ADAM10: variants seen among roughly 807,000 people sequenced by gnomAD.
ADAM10 encodes the protein ADAM metallopeptidase domain 10, also known as disintegrin and metalloproteinase domain-containing protein 10.
ADAM10 carries 17 observed loss-of-function variants against 90.1 expected under a neutral mutation model. The observed-to-expected ratio is 0.19, with a 90% CI of 0.13 to 0.28. The LOEUF (loss-of-function observed/expected upper bound fraction) is 0.28, where lower values mean the gene tolerates loss of function less well. Ranked by LOEUF, ADAM10 falls within the 10% of genes least tolerant of loss-of-function variation. The pLI is 1.00. For synonymous variants in ADAM10, 310 were observed against 298.6 expected (o/e 1.04, Z -0.40); for missense variants, 610 against 914.3 (o/e 0.67, Z 4.29).
chr15:58,724,789 C>T (rs774358278), intron 1 of ADAM10, among the ~76,000 whole-genome samples: 76 of 152,216 alleles, frequency 5.0e-4, no homozygotes, highest in Non-Finnish European at 1.8e-4. Context: ...AAAGCTCACA[C>T]AGGGCTGGAA....
chr15:58,657,286 T>C (rs1361035710), intron 5 of ADAM10, among the ~76,000 whole-genome samples: 2 of 152,214 alleles, frequency 1.3e-5, no homozygotes, highest in Non-Finnish European at 2.9e-5. Context: ...TTTTTACCCC[T>C]ATCTCTTTCT....
At position 58,665,118 on chromosome 15, in the gene ADAM10, A is replaced by C; in HGVS notation, c.564T>G (p.Thr188=). The change falls in exon 5 of 16, where the codon ACT becomes ACG. Residue 188 remains threonine (T), a synonymous_variant. Transcript: ENST00000260408. The part of the protein sequence containing the change: ...VFERMRKYQM[T]GVEEVTQIPQ... ...TTACCTGTGTTACTTCCTCTACACC[A>C]GTCATCTGGTATTTCCTCATTCTTT... The C allele has an allele frequency of 6.2e-7, 1 of 1,612,760 alleles. No individual in the cohort carries two copies. The highest frequency in any genetic ancestry group is 8.5e-7 in the Non-Finnish European group (1 of 1,178,850).
intron 15 of ADAM10, among the ~76,000 whole-genome samples, chr15:58,599,359 A>C (rs1308991481): frequency 6.6e-6 from 1 of 152,062 alleles, no homozygotes; most frequent in African/African-American, 2.4e-5. Flanking sequence ...AGCAAAATTT[A>C]AAATTTCTAG....
At chr15:58,726,916 G>A (rs1899051161) in intron 1 of ADAM10, among the ~76,000 whole-genome samples, 1 of 151,036 alleles carries the variant, frequency 6.6e-6, no homozygotes, top group Non-Finnish European at 1.5e-5. Context: ...GGAGGGGAGA[G>A]GGAAAAGGAG....
intron 5 of ADAM10, among the ~76,000 whole-genome samples, chr15:58,654,706 T>C (rs1896767826): frequency 6.6e-6 from 1 of 152,232 alleles, no homozygotes; most frequent in Admixed American, 6.5e-5. Context: ...TTATCGTTTG[T>C]TTCAAGAAAT....
intron 9 of ADAM10, among the ~76,000 whole-genome samples, chr15:58,631,839 G>T (rs1458550582): frequency 2.6e-5 from 4 of 152,138 alleles, no homozygotes; most frequent in African/African-American, 9.7e-5. Flanking sequence ...AAGCAGTCAA[G>T]AGTTACAGAG....
intron 9 of ADAM10, among the ~76,000 whole-genome samples, chr15:58,631,438 G>A (rs1310874931): frequency 6.6e-6 from 1 of 152,144 alleles, no homozygotes; most frequent in Non-Finnish European, 1.5e-5. Flanking sequence ...AGCTAGGTAG[G>A]AAAGAGATTA....
chr15:58,632,321 T>A (rs1368275073), intron 9 of ADAM10, among the ~76,000 whole-genome samples: 1 of 152,234 alleles, frequency 6.6e-6, no homozygotes, highest in Non-Finnish European at 1.5e-5. Context: ...TTCAGGAATG[T>A]GTACTGAAAT....
At chr15:58,642,568 C>T (rs1490470336) in intron 7 of ADAM10, among the ~76,000 whole-genome samples, 1 of 151,968 alleles carries the variant, frequency 6.6e-6, no homozygotes, top group African/African-American at 2.4e-5. Flanking sequence ...GAACAATCTT[C>T]AACAGATAAA....
chr15:58,622,127 G>A (rs1427282), intron 10 of ADAM10, among the ~76,000 whole-genome samples: 77,963 of 151,902 alleles, frequency 0.51, 22,785 homozygotes, highest in East Asian at 0.94. Flanking sequence ...TACTCCCACA[G>A]TTTTTTTCTG....
chr15:58,726,889 G>A (rs868192596), intron 1 of ADAM10, among the ~76,000 whole-genome samples: 3 of 149,156 alleles, frequency 2.0e-5, no homozygotes, highest in South Asian at 4.3e-4. Context: ...GGGGAGGGGA[G>A]AGGAGGGGAG....
At chr15:58,707,382 TA>T (rs11315040) in intron 2 of ADAM10, 21,761 of 139,194 alleles carry the variant, frequency 0.16, 1,729 homozygotes, top group South Asian at 0.33. Context: ...AGACTCCATC[TA>T]AAAAAAAAAA....
chr15:58,743,412 C>G lies in ADAM10; in HGVS notation c.55+6068G>C, dbSNP rs559227497. 2.0e-5 allele frequency among the ~76,000 whole-genome samples: 3 copies of G among 152,090 alleles called. No individual in the cohort carries two copies. In the East Asian group the frequency reaches 5.8e-4, roughly 29 times the overall value. On this transcript the variant is annotated intron_variant, in intron 1 of 15. Transcript: ENST00000260408. ...AGCTAGACCCTTCCAAAACAATGCC[C>G]CAACTTTAGCAAATTTTTTTCTAAC...
intron 5 of ADAM10, chr15:58,655,495 TG>T (rs1348239105): frequency 2.0e-5 from 3 of 151,004 alleles, no homozygotes; most frequent in Non-Finnish European, 2.9e-5. Context: ...CACCAAGCCA[TG>T]GGGGATCTGC....
intron 5 of ADAM10, among the ~76,000 whole-genome samples, chr15:58,652,383 T>C (rs1896711327): frequency 6.6e-6 from 1 of 152,200 alleles, no homozygotes; most frequent in Non-Finnish European, 1.5e-5. Flanking sequence ...AGCACTTAAA[T>C]TTAAGTCTTA....
At chr15:58,744,853 CCAACAACAA>C (rs1350361961) in intron 1 of ADAM10, among the ~76,000 whole-genome samples, 5 of 151,878 alleles carry the variant, frequency 3.3e-5, no homozygotes, top group African/African-American at 1.2e-4. Context: ...CTAACCAAGA[CCAACAACAA>C]CAACAACAAA....
At chr15:58,599,841 A>C in intron 14 of ADAM10, 117 bp from the exon 15 acceptor site, 9 of 1,066,802 alleles carry the variant, frequency 8.4e-6, no homozygotes, top group Non-Finnish European at 1.2e-5. Flanking sequence ...TTTAAAGAAC[A>C]TTTGTTTAGG....
chr15:58,643,756 C>T (rs1052528965), intron 7 of ADAM10, 130 bp downstream of exon 7: 3 of 744,334 alleles, frequency 4.0e-6, no homozygotes, highest in Non-Finnish European at 6.9e-6. Context: ...AAAACTGCAT[C>T]AACAGATACA....
chr15:58,646,181 A>G lies in ADAM10; in HGVS notation c.609T>C (p.Ala203=). The G allele has an allele frequency of 6.2e-7, 1 of 1,613,258 alleles. No homozygotes were observed. The highest frequency in any genetic ancestry group is 1.1e-5 in the South Asian group (1 of 91,064). ...TTTTCCTCAGAAGTTCTGGACCATTAGCAGCATGTTCTTCTTGAGGTATCT... is the reference window on the plus strand; with the variant it reads ...TTTTCCTCAGAAGTTCTGGACCATTGGCAGCATGTTCTTCTTGAGGTATCT... ...VTQIPQEEHA[A]NGPELLRKKR... is the part of the protein sequence containing the mutation. Residue 203 remains alanine (A), a synonymous_variant, in exon 6 of 16, where the codon GCT becomes GCC. Coordinates refer to ENST00000260408, the MANE Select transcript of ADAM10 (RefSeq NM_001110.4).
Sources: allele counts gnomAD v4.1 joint callset (sites outside exome capture counted in the v4.1 genomes callset), GRCh38; gene constraint gnomAD v4.1.1; transcripts MANE v1.5; gene names NCBI Gene and HGNC (gene_info 2026-07-23, HGNC 2026-07-21).